The following CTNNBL1 variants were observed in gnomAD, a reference collection of about 807,000 sequenced individuals.
CTNNBL1 encodes beta-catenin-like protein 1.
In CTNNBL1, 31 loss-of-function variants were observed where a neutral mutation model predicts 72.7. The observed-to-expected ratio is 0.43, with a 90% CI of 0.32 to 0.58. The LOEUF (loss-of-function observed/expected upper bound fraction) is 0.58, where lower values mean the gene tolerates loss of function less well. Ranked by LOEUF, CTNNBL1 falls within the 20% of genes least tolerant of loss-of-function variation. The pLI, the probability that CTNNBL1 is intolerant of heterozygous loss-of-function variation, is 0.08. For synonymous variants in CTNNBL1, 240 were observed against 267.3 expected, an observed-to-expected ratio of 0.90 and a Z score of 1.00; for missense variants, 534 against 725.1, an observed-to-expected ratio of 0.74 and a Z score of 3.03.
intron 7 of CTNNBL1, among the ~76,000 whole-genome samples, chr20:37,770,579 A>G (rs1159771611): frequency 2.0e-5 from 3 of 151,274 alleles, no homozygotes; most frequent in Middle Eastern, 3.2e-3. Context: ...AATTGGTAAC[A>G]TAGGAAGGGA....
intron 11 of CTNNBL1, among the ~76,000 whole-genome samples, chr20:37,837,931 A>ATG (rs10626222): frequency 0.82 from 123,895 of 151,608 alleles, 50,659 homozygotes; most frequent in Middle Eastern, 0.89. Flanking sequence ...AAATAAACAA[A>ATG]ATACAGTATT....
At chr20:37,820,476 C>A (rs1044516583) in intron 11 of CTNNBL1, among the ~76,000 whole-genome samples, 1 of 152,278 alleles carries the variant, frequency 6.6e-6, no homozygotes, top group East Asian at 1.9e-4. Context: ...TTCCAGAAGA[C>A]ACAGATTGAT....
At chr20:37,750,107 A>G (rs941752236) in intron 4 of CTNNBL1, 2 of 152,174 alleles carry the variant, frequency 1.3e-5, no homozygotes, top group African/African-American at 4.8e-5. Flanking sequence ...GTTTGTTGTA[A>G]CCTTAAGAGG....
intron 1 of CTNNBL1, among the ~76,000 whole-genome samples, chr20:37,727,854 G>A (rs189681307): frequency 1.3e-5 from 2 of 152,258 alleles, no homozygotes; most frequent in East Asian, 3.9e-4. Context: ...CAGTTTGACA[G>A]CTCTGAGCTT....
At chr20:37,864,927 C>T (rs1227918674) in intron 15 of CTNNBL1, among the ~76,000 whole-genome samples, 1 of 152,128 alleles carries the variant, frequency 6.6e-6, no homozygotes, top group African/African-American at 2.4e-5. Flanking sequence ...AGTGTCATTA[C>T]CTCTGGTCCT....
chr20:37,860,331 G>A lies in CTNNBL1; in HGVS notation c.1590G>A (p.Arg530=), dbSNP rs2072481176. The change falls in exon 15 of 16, where the codon AGG becomes AGA. Residue 530 remains arginine, a synonymous_variant. Transcript: ENST00000361383. ...GAGGAAGCTCCATCAAAATTGTCAG[G>A]CATATCATCAAGGGTGAGTTGGATG... ...NMRGSSIKIV[R]HIIKEYAENI... The A allele has an allele frequency of 6.2e-7, 1 of 1,613,694 alleles. No homozygotes were observed. The highest frequency in any genetic ancestry group is 1.3e-5 in the African/African-American group (1 of 75,014).
At chr20:37,870,249 C>G (rs1420249176) in intron 15 of CTNNBL1, among the ~76,000 whole-genome samples, 1 of 152,066 alleles carries the variant, frequency 6.6e-6, no homozygotes, top group African/African-American at 2.4e-5. Context: ...AAACCTGGTG[C>G]TCCTACACCC....
At chr20:37,847,462 A>G (rs1204266262) in intron 13 of CTNNBL1, among the ~76,000 whole-genome samples, 4 of 152,154 alleles carry the variant, frequency 2.6e-5, no homozygotes, top group African/African-American at 7.2e-5. Context: ...TCTAGTGAGC[A>G]GCAGTTCTTG....
chr20:37,839,943 T>A (rs1270813892), intron 11 of CTNNBL1, among the ~76,000 whole-genome samples, 159 bp from the exon 12 acceptor site: 1 of 152,152 alleles, frequency 6.6e-6, no homozygotes, highest in Non-Finnish European at 1.5e-5. Flanking sequence ...ATTGGTTCGG[T>A]TTTTTAGTGA....
chr20:37,804,427 A>G (rs995373443), intron 11 of CTNNBL1, among the ~76,000 whole-genome samples: 2 of 151,514 alleles, frequency 1.3e-5, no homozygotes, highest in African/African-American at 2.4e-5. Flanking sequence ...TTTAGAGGAG[A>G]TGAACTGGGA....
intron 11 of CTNNBL1, among the ~76,000 whole-genome samples, chr20:37,821,970 A>G (rs952386760): frequency 6.6e-6 from 1 of 151,452 alleles, no homozygotes; most frequent in East Asian, 1.9e-4. Flanking sequence ...AACCACTGTC[A>G]TAGAGAAAGG....
intron 11 of CTNNBL1, among the ~76,000 whole-genome samples, chr20:37,824,203 T>C (rs977539336): frequency 2.0e-5 from 3 of 152,238 alleles, no homozygotes; most frequent in Admixed American, 1.3e-4. Context: ...CTCATAGCAC[T>C]TCTTCAGCAT....
At chr20:37,771,716 G>T (rs2073526315) in intron 7 of CTNNBL1, among the ~76,000 whole-genome samples, 1 of 152,040 alleles carries the variant, frequency 6.6e-6, no homozygotes, top group Non-Finnish European at 1.5e-5. Flanking sequence ...CACCCTTCGT[G>T]AAACAGCTTA....
intron 7 of CTNNBL1, among the ~76,000 whole-genome samples, chr20:37,776,642 C>T (rs776500546): frequency 2.0e-5 from 3 of 152,146 alleles, no homozygotes; most frequent in Non-Finnish European, 4.4e-5. Flanking sequence ...ACCGAAGCAA[C>T]ACTGAGGACA....
intron 13 of CTNNBL1, among the ~76,000 whole-genome samples, chr20:37,850,401 A>G (rs1243268725): frequency 6.6e-6 from 1 of 152,056 alleles, no homozygotes; most frequent in Non-Finnish European, 1.5e-5. Flanking sequence ...GTGTGTGTCC[A>G]TTTTCATGAT....
At chr20:37,827,047 C>G (rs1159830235) in intron 11 of CTNNBL1, among the ~76,000 whole-genome samples, 1 of 152,168 alleles carries the variant, frequency 6.6e-6, no homozygotes, top group Admixed American at 6.5e-5. Context: ...GAGTTTTTAC[C>G]ATAGATTAGG....
At chr20:37,810,414 T>C (rs2072000475) in intron 11 of CTNNBL1, among the ~76,000 whole-genome samples, 1 of 152,202 alleles carries the variant, frequency 6.6e-6, no homozygotes, top group Non-Finnish European at 1.5e-5. Flanking sequence ...TTAATCCCTT[T>C]GTGAGGGTGG....
chr20:37,772,630 A>G lies in CTNNBL1; in HGVS notation c.750+4586A>G, dbSNP rs139964791. ...CCCAAAGTGCTGGGATTACAGGTGTAAGCCACTGCGCCCGGCCCAGTCTGA... is the reference window on the plus strand; with the variant it reads ...CCCAAAGTGCTGGGATTACAGGTGTGAGCCACTGCGCCCGGCCCAGTCTGA... On this transcript the variant is annotated intron_variant, in intron 7 of 15. Coordinates refer to ENST00000361383, the MANE Select transcript of CTNNBL1 (RefSeq NM_030877.5). 2.7e-3 allele frequency among the ~76,000 whole-genome samples: 406 copies of G among 152,266 alleles called. 2 individuals carry two copies. Among genetic ancestry groups the G allele is most frequent in the African/African-American group, 8.5e-3 (355 of 41,552 alleles).
intron 1 of CTNNBL1, among the ~76,000 whole-genome samples, chr20:37,713,439 G>A (rs1303510374): frequency 4.6e-5 from 7 of 152,308 alleles, no homozygotes; most frequent in Non-Finnish European, 7.3e-5. Context: ...GTCAGCAGGC[G>A]GTTGAGGAAG....
Sources: allele counts gnomAD v4.1 joint callset (sites outside exome capture counted in the v4.1 genomes callset), GRCh38; gene constraint gnomAD v4.1.1; transcripts MANE v1.5; gene names NCBI Gene and HGNC (gene_info 2026-07-23, HGNC 2026-07-21).